EML6: variants seen among roughly 807,000 people sequenced by gnomAD.
EML6 encodes echinoderm microtubule-associated protein-like 6.
EML6 carries 154 observed loss-of-function variants against 240.1 expected under a neutral mutation model. The observed-to-expected ratio is 0.64, with a 90% CI of 0.56 to 0.73. The LOEUF (loss-of-function observed/expected upper bound fraction) is 0.73. Among genes scored for constraint, EML6 ranks in the 30% least tolerant of loss-of-function variants. The pLI, the probability that EML6 is intolerant of heterozygous loss-of-function variation, is 0.00. For synonymous variants in EML6, 1,148 were observed against 899.0 expected (o/e 1.28, Z -4.95); for missense variants, 2,964 against 2,474.6 (o/e 1.20, Z -4.20).
intron 24 of EML6, among the ~76,000 whole-genome samples, chr2:54,906,165 C>A (rs1673318343): frequency 6.6e-6 from 1 of 152,238 alleles, no homozygotes. Context: ...GGGTTCAAAT[C>A]TCTCCACATC....
intron 2 of EML6, among the ~76,000 whole-genome samples, chr2:54,806,761 T>A (rs1670516547): frequency 1.3e-5 from 2 of 152,076 alleles, no homozygotes; most frequent in South Asian, 4.1e-4. Context: ...TTTTAATCAC[T>A]GCTTTAGGAT....
chr2:54,959,191 A>G lies in EML6; in HGVS notation c.4783A>G (p.Thr1595Ala), dbSNP rs1403167630. Residue 1595 changes from threonine to alanine, a missense_variant, in exon 34 of 42, where the codon ACA becomes GCA. Physicochemically the swap from Thr to Ala is moderately conservative, Grantham distance 58 (BLOSUM62 0). Transcript: ENST00000356458. ...CATCCGGCTGGTGGCCAAGGCTCAC[A>G]CAGGCCCCGTGTTCACAATGTACAC... ...FLIRLVAKAH[T>A]GPVFTMYTTL... The G allele has an allele frequency of 5.2e-6, 8 of 1,551,576 alleles. No homozygotes were observed. In the Admixed American group the frequency reaches 1.6e-4, roughly 30 times the overall value.
chr2:54,760,019 G>T (rs1463537772), intron 2 of EML6, among the ~76,000 whole-genome samples: 1 of 151,584 alleles, frequency 6.6e-6, no homozygotes, highest in East Asian at 1.9e-4. Context: ...TCCGATTCTG[G>T]GCCATTACTC....
intron 26 of EML6, among the ~76,000 whole-genome samples, chr2:54,919,681 G>A (rs1674119728): frequency 6.6e-6 from 1 of 152,164 alleles, no homozygotes; most frequent in South Asian, 2.1e-4. Context: ...GTGATACCCT[G>A]GTTTTAGTAG....
chr2:54,807,951 T>C (rs760948982), intron 2 of EML6, among the ~76,000 whole-genome samples: 3 of 152,320 alleles, frequency 2.0e-5, no homozygotes, highest in East Asian at 1.9e-4. Context: ...CATACAGTTA[T>C]GGCAAGGTAT....
At chr2:54,960,080 G>T in intron 34 of EML6, 140 bp from the exon 35 acceptor site, 2 of 650,814 alleles carry the variant, frequency 3.1e-6, no homozygotes, top group South Asian at 3.6e-5. Flanking sequence ...TGCCTGGAGG[G>T]TCTGGACCCT....
At chr2:54,822,015 G>A (rs75114501) in intron 5 of EML6, among the ~76,000 whole-genome samples, 1 of 151,954 alleles carries the variant, frequency 6.6e-6, no homozygotes, top group Non-Finnish European at 1.5e-5. Flanking sequence ...GAGGGAAACC[G>A]CAAACTAGCA....
At chr2:54,754,802 A>G (rs1022956407) in intron 2 of EML6, among the ~76,000 whole-genome samples, 11 of 152,218 alleles carry the variant, frequency 7.2e-5, no homozygotes, top group Non-Finnish European at 1.5e-4. Context: ...TCAAAACGGC[A>G]CTGTCCAGTA....
At chr2:54,892,746 T>A in intron 19 of EML6, 90 bp downstream of exon 19, 1 of 928,528 alleles carries the variant, frequency 1.1e-6, no homozygotes, top group Non-Finnish European at 1.6e-6. Context: ...TGCCTGTATC[T>A]AAAACAGGCC....
intron 25 of EML6, among the ~76,000 whole-genome samples, chr2:54,912,479 A>C (rs145355348): frequency 6.6e-6 from 1 of 152,136 alleles, no homozygotes; most frequent in Non-Finnish European, 1.5e-5. Flanking sequence ...GTTGTATGAC[A>C]CTGAGGACTG....
At chr2:54,914,536 A>C (rs1573132265) in intron 25 of EML6, among the ~76,000 whole-genome samples, 1 of 133,694 alleles carries the variant, frequency 7.5e-6, no homozygotes, top group Non-Finnish European at 1.6e-5. Flanking sequence ...AATGCTTCCC[A>C]AAGTGACAGG....
intron 28 of EML6, 131 bp downstream of exon 28, chr2:54,928,882 C>T (rs892366512): frequency 9.4e-7 from 1 of 1,066,994 alleles, no homozygotes. Flanking sequence ...ACAGAGTCTT[C>T]ACCTGTACAC....
chr2:54,910,586 T>G (rs574088264), intron 24 of EML6, among the ~76,000 whole-genome samples: 2 of 152,358 alleles, frequency 1.3e-5, no homozygotes, highest in South Asian at 4.1e-4. Flanking sequence ...ATGACATAAT[T>G]CTTGCCAACA....
At chr2:54,926,256 C>G (rs886188935) in intron 26 of EML6, among the ~76,000 whole-genome samples, 1 of 152,238 alleles carries the variant, frequency 6.6e-6, no homozygotes, top group Admixed American at 6.5e-5. Context: ...CATCCACCAC[C>G]ATGCCCAGCT....
chr2:54,780,521 T>C (rs568260345), intron 2 of EML6, among the ~76,000 whole-genome samples: 1 of 152,314 alleles, frequency 6.6e-6, no homozygotes, highest in African/African-American at 2.4e-5. Flanking sequence ...TCTTCCTATA[T>C]TCTCTATTCA....
chr2:54,900,053 T>G (rs1453530745), intron 22 of EML6, among the ~76,000 whole-genome samples: 1 of 152,226 alleles, frequency 6.6e-6, no homozygotes, highest in Non-Finnish European at 1.5e-5. Context: ...CTTCCTCTTC[T>G]CATTGAGAGC....
At chr2:54,924,794 C>G (rs1390840150) in intron 26 of EML6, among the ~76,000 whole-genome samples, 2 of 152,106 alleles carry the variant, frequency 1.3e-5, no homozygotes, top group Non-Finnish European at 2.9e-5. Context: ...AACTCCTGAC[C>G]TCAGGTGATC....
Position 54,741,619 on chromosome 2 carries a change from C to T in EML6, c.197+16361C>T, listed in dbSNP as rs372272634. Among the ~76,000 whole-genome samples, 4 of 152,158 alleles carry T rather than the reference C, an allele frequency of 2.6e-5. No homozygotes were observed. The South Asian group carries it at 6.2e-4, about 24-fold the overall frequency. ...GAAAAAGCTGATTCTAGGCCTGGGG[C>T]AGTGAAAGCACAAGATACATCTGGA... On this transcript the variant is annotated intron_variant, in intron 2 of 41. Coordinates refer to ENST00000356458, the MANE Select transcript of EML6 (RefSeq NM_001039753.4).
chr2:54,766,357 GTCTT>G (rs1196826306), intron 2 of EML6, among the ~76,000 whole-genome samples: 1 of 152,058 alleles, frequency 6.6e-6, no homozygotes, highest in African/African-American at 2.4e-5. Context: ...CATTTCCTTA[GTCTT>G]TCTTTGTCTT....
Sources: gnomAD v4.1 joint callset for allele counts (sites outside exome capture counted in the v4.1 genomes callset) on GRCh38, gnomAD v4.1.1 for gene constraint, MANE v1.5 for transcripts, NCBI Gene and HGNC (gene_info 2026-07-23, HGNC 2026-07-21) for gene names.